The following EXOC4 variants were observed in gnomAD, a reference collection of about 807,000 sequenced individuals.
EXOC4 encodes exocyst complex component 4.
Under a neutral mutation model 107.2 loss-of-function variants are expected in EXOC4, and 71 were observed. The observed-to-expected ratio is 0.66, with a 90% CI of 0.55 to 0.81. The LOEUF (loss-of-function observed/expected upper bound fraction) is 0.81, where lower values mean the gene tolerates loss of function less well. EXOC4 is among the 30% of genes least tolerant of loss of function. The pLI, the probability that EXOC4 is intolerant of heterozygous loss-of-function variation, is 0.00. For missense variants in EXOC4, 1,108 were observed against 1,189.6 expected (o/e 0.93, Z 1.01); for synonymous variants, 456 against 441.2 (o/e 1.03, Z -0.42).
rs147093590 is a variant in EXOC4, at chr7:133,986,562, T to C, written c.2207-10930T>C. ...GTTCAAGAAGAAAGGACATCTCTAT[T>C]CCAAGAAAGTTCAAATCAAATGTTA... On this transcript the variant is annotated intron_variant, in intron 14 of 17. Coordinates refer to ENST00000253861, the MANE Select transcript of EXOC4 (RefSeq NM_021807.4). 5.1e-3 allele frequency among the ~76,000 whole-genome samples: 777 copies of C among 152,318 alleles called. 3 individuals are homozygous for C. The highest frequency in any genetic ancestry group is 0.016 in the African/African-American group (663 of 41,570).
intron 1 of EXOC4, among the ~76,000 whole-genome samples, chr7:133,264,498 A>G (rs1793668400): frequency 6.6e-6 from 1 of 152,218 alleles, no homozygotes; most frequent in East Asian, 1.9e-4. Context: ...TGTGTGCTCT[A>G]ATAAGACATA....
At chr7:133,964,650 A>G (rs572145570) in intron 14 of EXOC4, among the ~76,000 whole-genome samples, 1 of 152,302 alleles carries the variant, frequency 6.6e-6, no homozygotes, top group South Asian at 2.1e-4. Flanking sequence ...CCTGCAAAGG[A>G]CATGAACTCA....
At chr7:133,454,291 ATTTAT>A (rs1428615040) in intron 7 of EXOC4, among the ~76,000 whole-genome samples, 2 of 152,174 alleles carry the variant, frequency 1.3e-5, no homozygotes, top group Non-Finnish European at 2.9e-5. Context: ...CACTGCTTTC[ATTTAT>A]TTTATTTATT....
At chr7:133,351,054 A>G (rs1795897912) in intron 5 of EXOC4, among the ~76,000 whole-genome samples, 1 of 152,036 alleles carries the variant, frequency 6.6e-6, no homozygotes, top group Non-Finnish European at 1.5e-5. Context: ...GTGTATAGAA[A>G]TGCAATGGAC....
chr7:133,664,163 CTG>C (rs1167142561), intron 10 of EXOC4, among the ~76,000 whole-genome samples: 1 of 152,120 alleles, frequency 6.6e-6, no homozygotes, highest in Non-Finnish European at 1.5e-5. Context: ...CTGTTGAAAA[CTG>C]TGATATCTTC....
At chr7:133,457,717 T>C (rs990247886) in intron 7 of EXOC4, among the ~76,000 whole-genome samples, 48 of 152,192 alleles carry the variant, frequency 3.2e-4, no homozygotes, top group African/African-American at 1.1e-3. Context: ...CTGAAAATAA[T>C]GATTTAAAAA....
chr7:133,681,763 G>A (rs983443941), intron 10 of EXOC4, among the ~76,000 whole-genome samples: 6 of 151,930 alleles, frequency 3.9e-5, no homozygotes, highest in Middle Eastern at 3.4e-3. Flanking sequence ...TTTACTTCTC[G>A]GTGTTTCAGT....
chr7:133,658,563 A>C (rs1347100273), intron 10 of EXOC4, among the ~76,000 whole-genome samples: 1 of 152,164 alleles, frequency 6.6e-6, no homozygotes, highest in African/African-American at 2.4e-5. Context: ...AGCCTGTGCT[A>C]ACTGAAATCA....
the EXOC4 span, among the ~76,000 whole-genome samples, chr7:134,095,429 C>T: frequency 5.3e-5 from 8 of 152,212 alleles, no homozygotes; most frequent in East Asian, 1.9e-4. Flanking sequence ...TTATTCCTAT[C>T]GAACTGCCAA....
In EXOC4 at chr7:133,737,934, CGGG is replaced by C. The variant is rs1328056791; in HGVS notation, c.1515-79389_1515-79387del. Among the ~76,000 whole-genome samples, 3 of 26,812 alleles carry C rather than the reference CGGG, an allele frequency of 1.1e-4. No homozygotes were observed. In the East Asian group the frequency reaches 0.015, roughly 130 times the overall value. 17.6% of individuals were successfully genotyped at this position (26,812 alleles called of 152,430 possible). A position where few individuals can be genotyped will look rare whatever the true frequency, so the allele number is the denominator to read the frequency against. On this transcript the variant is annotated intron_variant, in intron 10 of 17. Transcript: ENST00000253861. Reference sequence around the variant, plus strand: ...CTTTTTTTTTTTTTTTTTTTTGAGACGGGGTCTTGCTCTGTTGCTTAGGTTGGA... The same window carrying C: ...CTTTTTTTTTTTTTTTTTTTTGAGACGTCTTGCTCTGTTGCTTAGGTTGGA...
chr7:133,718,366 G>A (rs1266539099), intron 10 of EXOC4, among the ~76,000 whole-genome samples: 3 of 152,152 alleles, frequency 2.0e-5, no homozygotes, highest in Non-Finnish European at 2.9e-5. Flanking sequence ...AGTTGTCTGA[G>A]AATGTCAGCT....
chr7:133,304,175 A>G (rs1794702426), intron 3 of EXOC4, among the ~76,000 whole-genome samples: 1 of 152,208 alleles, frequency 6.6e-6, no homozygotes, highest in African/African-American at 2.4e-5. Context: ...CCAGTGGTTT[A>G]CCAAATTATT....
chr7:133,345,722 G>A (rs561672846), intron 5 of EXOC4, among the ~76,000 whole-genome samples: 27 of 152,154 alleles, frequency 1.8e-4, no homozygotes, highest in African/African-American at 6.3e-4. Flanking sequence ...TTTCACGTAC[G>A]GGAGGACCCG....
chr7:133,765,786 T>C (rs1461020881), intron 10 of EXOC4, among the ~76,000 whole-genome samples: 4 of 152,012 alleles, frequency 2.6e-5, no homozygotes, highest in Non-Finnish European at 5.9e-5. Context: ...ATTTTAAACT[T>C]TACCTGTGAA....
At chr7:133,492,300 G>C (rs925240412) in intron 9 of EXOC4, among the ~76,000 whole-genome samples, 15 of 152,148 alleles carry the variant, frequency 9.9e-5, no homozygotes, top group African/African-American at 3.6e-4. Flanking sequence ...TGGTGTTTCA[G>C]CAAGAAGAGA....
intron 5 of EXOC4, among the ~76,000 whole-genome samples, chr7:133,324,719 A>C (rs1030465026): frequency 1.3e-5 from 2 of 152,182 alleles, no homozygotes; most frequent in African/African-American, 2.4e-5. Flanking sequence ...GTAGAGGTCT[A>C]TTAGGTCTGC....
intron 10 of EXOC4, among the ~76,000 whole-genome samples, chr7:133,668,518 C>T (rs1167256251): frequency 1.1e-4 from 17 of 152,254 alleles, no homozygotes; most frequent in Admixed American, 7.2e-4. Context: ...ATTGGTGCAA[C>T]CCTTTGCAAC....
intron 9 of EXOC4, chr7:133,576,480 C>T (rs879221300): frequency 2.0e-5 from 25 of 1,279,598 alleles, no homozygotes; most frequent in Admixed American, 7.0e-5. Context: ...GGGCATCTGT[C>T]GGTTGCATTT....
intron 5 of EXOC4, among the ~76,000 whole-genome samples, chr7:133,326,816 C>T (rs1342665937): frequency 2.6e-5 from 4 of 152,230 alleles, no homozygotes; most frequent in Non-Finnish European, 5.9e-5. Flanking sequence ...GTGCAGTCTA[C>T]AAAGGTAGGC....
Sources: gnomAD v4.1 joint callset for allele counts (sites outside exome capture counted in the v4.1 genomes callset) on GRCh38, gnomAD v4.1.1 for gene constraint, MANE v1.5 for transcripts, NCBI Gene and HGNC (gene_info 2026-07-23, HGNC 2026-07-21) for gene names.